The following VWF variants were observed in gnomAD, a reference collection of about 807,000 sequenced individuals.
VWF encodes the protein Factor VIII related antigen.
Under a neutral mutation model 308.6 loss-of-function variants are expected in VWF, and 176 were observed. The ratio of observed to expected loss-of-function variants is 0.57; its 90% CI spans 0.50 to 0.65. The LOEUF is 0.65. Among genes scored for constraint, VWF ranks in the 30% least tolerant of loss-of-function variants. The pLI is 0.00. For synonymous variants in VWF, 1,385 were observed against 1,443.4 expected (o/e 0.96, Z 0.92); for missense variants, 3,146 against 3,648.2 (o/e 0.86, Z 3.55).
Position 6,052,720 on chromosome 12 carries a change from C to T in VWF, c.2009G>A (p.Arg670His), listed in dbSNP as rs1022679972. 2.2e-5 allele frequency: 35 copies of T among 1,614,016 alleles called. No individual in the cohort carries two copies. Among genetic ancestry groups the T allele is most frequent in the Admixed American group, 5.0e-5 (3 of 60,000 alleles). Residue 670 changes from arginine to histidine, a missense_variant, in exon 16 of 52, where the codon CGC becomes CAC. Physicochemically the swap from Arg to His is conservative, Grantham distance 29. Around this residue, in one of 3 missense-constraint regions of VWF, gnomAD observed 1,304 missense variants for 1,353.0 expected, o/e 0.96. Coordinates refer to ENST00000261405, the MANE Select transcript of VWF (RefSeq NM_000552.5). ...QCGTPCNLTC[R>H]SLSYPDEECN... ...TTCCTCATCCGGGTAAGAGAGAGAG[C>T]GGCAGGTCAGGTTGCAGGGGGTCCC...
At chr12:5,969,135 A>C in intron 45 of VWF, 76 bp downstream of exon 45, 1 of 1,531,354 alleles carries the variant, frequency 6.5e-7, no homozygotes, top group Non-Finnish European at 8.9e-7. Flanking sequence ...AAGGCAAAGA[A>C]TTCAGGAGCC....
At chr12:5,958,648 C>G (rs1943277488) in intron 47 of VWF, among the ~76,000 whole-genome samples, 1 of 151,752 alleles carries the variant, frequency 6.6e-6, no homozygotes, top group Non-Finnish European at 1.5e-5. Flanking sequence ...ATGATCATAC[C>G]GCTGCACTCC....
At chr12:5,988,409 G>A (rs530933980) in intron 38 of VWF, among the ~76,000 whole-genome samples, 21 of 152,156 alleles carry the variant, frequency 1.4e-4, no homozygotes, top group Non-Finnish European at 2.5e-4. Context: ...GCAGGGGGTC[G>A]AATTGGCAGA....
In VWF at chr12:5,981,803, T is replaced by C. The variant is rs765740267; in HGVS notation, c.7270A>G (p.Thr2424Ala). ...ATNDCGCTTT[T>A]CLPDKVCVHR... is the part of the protein sequence containing the mutation. ...GTCCTTACCTTGTCGGGAAGGCAGG[T>C]GGTTGTGGTACAGCCACAGTCATTG... Residue 2424 changes from threonine (T) to alanine (A), a missense_variant, in exon 42 of 52, where the codon ACC (threonine) becomes GCC (alanine). Thr to Ala is a moderately conservative substitution (Grantham distance 58). Transcript: ENST00000261405. 2 of 1,614,078 alleles carry C rather than the reference T, an allele frequency of 1.2e-6. No individual in the cohort carries two copies. The highest frequency in any genetic ancestry group is 1.7e-6 in the Non-Finnish European group (2 of 1,179,998).
intron 6 of VWF, among the ~76,000 whole-genome samples, chr12:6,091,428 T>A (rs1189569660): frequency 6.6e-6 from 1 of 152,148 alleles, no homozygotes; most frequent in African/African-American, 2.4e-5. Flanking sequence ...GAGGTCACAA[T>A]CCCTAGATAA....
intron 34 of VWF, among the ~76,000 whole-genome samples, chr12:6,002,267 C>G (rs967146812): frequency 6.6e-6 from 1 of 151,530 alleles, no homozygotes; most frequent in African/African-American, 2.4e-5. Flanking sequence ...AATATAAAAA[C>G]AGTAAACATA....
chr12:5,968,208 C>T lies in VWF; in HGVS notation c.7730-41G>A, dbSNP rs1320609138. On this transcript the variant is annotated intron_variant, in intron 45 of 51. Coordinates refer to ENST00000261405, the MANE Select transcript of VWF (RefSeq NM_000552.5). ...GTGCAGAGTGAGAGTGGGCAAAACACACCCTGGTGAGACCGGCGAGCAGGC... is the reference window on the plus strand; with the variant it reads ...GTGCAGAGTGAGAGTGGGCAAAACATACCCTGGTGAGACCGGCGAGCAGGC... The T allele has an allele frequency of 5.0e-6, 8 of 1,613,104 alleles. No homozygotes were observed. In the South Asian group the frequency reaches 5.5e-5, roughly 11 times the overall value.
chr12:6,071,718 C>T (rs1268738659), intron 9 of VWF, among the ~76,000 whole-genome samples: 1 of 152,178 alleles, frequency 6.6e-6, no homozygotes, highest in African/African-American at 2.4e-5. Flanking sequence ...GTGTGGTGGG[C>T]GGTGGCCGAC....
chr12:5,957,762 G>A (rs1169948471), intron 47 of VWF, among the ~76,000 whole-genome samples: 2 of 152,254 alleles, frequency 1.3e-5, no homozygotes, highest in East Asian at 1.9e-4. Flanking sequence ...TTAGGCTGAA[G>A]GGAAATGATA....
At position 6,100,659 on chromosome 12, in the gene VWF, G is replaced by A. The variant is rs558774441; in HGVS notation, c.533-5075C>T. Among the ~76,000 whole-genome samples, 194 of 152,154 alleles carry A rather than the reference G, an allele frequency of 1.3e-3. 1 individual carries two copies. The highest frequency in any genetic ancestry group is 4.3e-3 in the African/African-American group (179 of 41,498). ...TTGCAAGGACAAAAAACCAAACACCGCATGTTCTCACTCATAGATGGGAAT... is the reference window on the plus strand; with the variant it reads ...TTGCAAGGACAAAAAACCAAACACCACATGTTCTCACTCATAGATGGGAAT... On this transcript the variant is annotated intron_variant, in intron 5 of 51. Transcript: ENST00000261405.
chr12:6,018,049 G>A, intron 28 of VWF, among the ~76,000 whole-genome samples: 1 of 135,636 alleles, frequency 7.4e-6, no homozygotes, highest in Admixed American at 8.1e-5. Flanking sequence ...GTGTGATAAA[G>A]TAAGACTTGC....
rs1943994996 is a variant in VWF at position 6,011,632 on chromosome 12, G to A, written c.5827C>T (p.Arg1943Cys). 7 of 1,610,172 alleles carry A rather than the reference G, an allele frequency of 4.3e-6. No homozygotes were observed. Among genetic ancestry groups the A allele is most frequent in the South Asian group, 1.1e-5 (1 of 90,334 alleles). The change falls in exon 34 of 52, where the codon CGC becomes TGC. Residue 1943 changes from arginine (R) to cysteine (C), a missense_variant. Coordinates refer to ENST00000261405, the MANE Select transcript of VWF (RefSeq NM_000552.5). ...AAGGACTCACAGGGGCAGGTCCAGC[G>A]GCAGCCACAGGTCTCTTCCACTTTA... ...PVKVEETCGC[R>C]WTCPCVCTGS...
Position 6,058,303 on chromosome 12 carries a change from A to C in VWF, c.1534-259T>G, listed in dbSNP as rs1172090553. ...GCCACAAGAGATTTTAGAAATTATCAGATCATCTAAGGATGGAGAAGGGAG... is the reference window on the plus strand; with the variant it reads ...GCCACAAGAGATTTTAGAAATTATCCGATCATCTAAGGATGGAGAAGGGAG... On this transcript the variant is annotated intron_variant, in intron 13 of 51. Transcript: ENST00000261405. This position sits in a 1 kb window ranked among gnomAD's most constrained non-coding sequence, Gnocchi z 4.9. Among the ~76,000 whole-genome samples the C allele has an allele frequency of 6.6e-6, 1 of 152,202 alleles. No homozygotes were observed. The highest frequency in any genetic ancestry group is 1.5e-5 in the Non-Finnish European group (1 of 68,040).
At chr12:5,998,162 A>C (rs1411767812) in intron 34 of VWF, among the ~76,000 whole-genome samples, 3 of 152,080 alleles carry the variant, frequency 2.0e-5, no homozygotes, top group African/African-American at 4.8e-5. Flanking sequence ...GTTCAAAAAG[A>C]CGTCCAGGTA....
At chr12:5,982,138 C>A in intron 41 of VWF, 147 bp from the exon 42 acceptor site, 2 of 708,818 alleles carry the variant, frequency 2.8e-6, no homozygotes, top group Non-Finnish European at 4.7e-6. Context: ...GGGAGTTATT[C>A]AATGTTACCA....
chr12:5,990,667 T>C (rs1367514177), intron 38 of VWF, among the ~76,000 whole-genome samples: 1 of 151,870 alleles, frequency 6.6e-6, no homozygotes, highest in Non-Finnish European at 1.5e-5. Context: ...CCACGGTCTG[T>C]AGTATCACTG....
chr12:6,018,712 C>T lies in VWF; in HGVS notation c.4706G>A (p.Arg1569His), dbSNP rs769025840. 2.8e-5 allele frequency: 45 copies of T among 1,613,432 alleles called. No homozygotes were observed. The highest frequency in any genetic ancestry group is 3.3e-5 in the South Asian group (3 of 91,074). The change falls in exon 28 of 52, where the codon CGC becomes CAC. Residue 1569 changes from arginine to histidine, a missense_variant. Around this residue, in one of 3 missense-constraint regions of VWF, gnomAD observed 853 missense variants for 1,177.8 expected, o/e 0.72. Transcript: ENST00000261405. The stretch of plus-strand genomic sequence containing the variant: ...GTTGGTCCTGTTGCCGCCCTGGTAG[C>T]GGATCTCTCGCACCCGCTGCAGGAT... ...GDILQRVREI[R>H]YQGGNRTNTG...
At chr12:6,064,947 G>A (rs1944694811) in intron 11 of VWF, among the ~76,000 whole-genome samples, 190 bp downstream of exon 11, 1 of 152,196 alleles carries the variant, frequency 6.6e-6, no homozygotes, top group African/African-American at 2.4e-5. Flanking sequence ...GATGCCTTCC[G>A]CCAGCATCTA....
chr12:6,018,902 A>T lies in VWF; in HGVS notation c.4516T>A (p.Ser1506Thr). The change falls in exon 28 of 52, where the codon TCG becomes ACG. Residue 1506 changes from serine (S) to threonine (T), a missense_variant. Ser to Thr is a moderately conservative substitution (Grantham distance 58). This residue lies in a region of VWF where 853 missense variants were observed against 1,177.8 expected (regional missense o/e 0.72). Transcript: ENST00000261405. ...AAGTCGGCTTCACCAATTTTGTCCG[A>T]TCCTTCCAGGACGAACGCCACATCC... ...VLDVAFVLEG[S>T]DKIGEADFNR... 1 of 1,613,792 alleles carries T rather than the reference A, an allele frequency of 6.2e-7. No individual in the cohort carries two copies.
Sources: allele counts gnomAD v4.1 joint callset (sites outside exome capture counted in the v4.1 genomes callset), GRCh38; gene constraint gnomAD v4.1.1; regional missense constraint gnomAD v4.1.1; non-coding constraint Gnocchi (gnomAD v3.1); transcripts MANE v1.5; gene names NCBI Gene and HGNC (gene_info 2026-07-23, HGNC 2026-07-21).